FAM169A: variants seen among roughly 807,000 people sequenced by gnomAD.
FAM169A encodes family with sequence similarity 169 member A.
FAM169A carries 24 observed loss-of-function variants against 75.7 expected under a neutral mutation model. That is an observed-to-expected ratio of 0.32 (90% confidence interval 0.23 to 0.45). The LOEUF (loss-of-function observed/expected upper bound fraction) is 0.45. FAM169A is among the 20% of genes least tolerant of loss of function. FAM169A has a pLI of 1.00. For missense variants in FAM169A, 673 were observed against 784.0 expected, an observed-to-expected ratio of 0.86 and a Z score of 1.69; for synonymous variants, 271 against 271.0, an observed-to-expected ratio of 1.00 and a Z score of 0.00.
In FAM169A at chr5:74,798,995, T is replaced by C. The variant is rs1746421757; in HGVS notation, c.1103+1885A>G. ...TCTCCTTTGAAAACACTAAGAATAA[T>C]GTCACTGCATCAGTTTTTACTAGAG... On this transcript the variant is annotated intron_variant, in intron 10 of 12. Coordinates refer to ENST00000687041, the MANE Select transcript of FAM169A (RefSeq NM_001376049.1). 1.6e-5 allele frequency: 19 copies of C among 1,181,376 alleles called. No individual in the cohort carries two copies. In the South Asian group the frequency reaches 1.7e-4, roughly 11 times the overall value. The allele number at this position is 1,181,376 out of a possible 1,614,324, so 73.2% of individuals were successfully genotyped here.
rs537319337 is a variant in FAM169A, at chr5:74,809,549, T to C, written c.671-4265A>G. ...AGGCAGAGCTTGCAGTGAGCCGAGA[T>C]TGTGCCACTGCACTCCAGCCTGGGT... is the stretch of plus-strand genomic sequence containing the variant. On this transcript the variant is annotated intron_variant, in intron 6 of 12. Coordinates refer to ENST00000687041, the MANE Select transcript of FAM169A (RefSeq NM_001376049.1). 5.7e-4 allele frequency among the ~76,000 whole-genome samples: 87 copies of C among 152,286 alleles called. 1 individual carries two copies. The highest frequency in any genetic ancestry group is 3.4e-3 in the Middle Eastern group (1 of 294).
At chr5:74,808,553 G>C (rs988741481) in intron 6 of FAM169A, among the ~76,000 whole-genome samples, 1 of 152,040 alleles carries the variant, frequency 6.6e-6, no homozygotes, top group African/African-American at 2.4e-5. Context: ...TTTGGATATA[G>C]ACAGTGGTGA....
intron 8 of FAM169A, among the ~76,000 whole-genome samples, chr5:74,802,119 T>C (rs998961826): frequency 2.6e-5 from 4 of 152,222 alleles, no homozygotes; most frequent in East Asian, 1.9e-4. Context: ...TCAGTCATTC[T>C]AGCCAGAAAA....
At chr5:74,783,200 G>T in intron 11 of FAM169A, 66 bp from the exon 12 acceptor site, 1 of 1,187,378 alleles carries the variant, frequency 8.4e-7, no homozygotes, top group South Asian at 1.4e-5. Context: ...TGTCATGCAT[G>T]ACGGGTCCCT....
At chr5:74,815,180 A>G (rs548735168) in intron 5 of FAM169A, among the ~76,000 whole-genome samples, 1 of 142,164 alleles carries the variant, frequency 7.0e-6, no homozygotes, top group Non-Finnish European at 1.5e-5. Flanking sequence ...AGATATTTTT[A>G]TTTTTTTTCT....
At chr5:74,803,145 T>C (rs755393800) in intron 8 of FAM169A, among the ~76,000 whole-genome samples, 8 of 152,192 alleles carry the variant, frequency 5.3e-5, no homozygotes, top group Non-Finnish European at 8.8e-5. Context: ...CTGTATGATA[T>C]AGTACCACTG....
chr5:74,795,720 T>C (rs980234157), intron 11 of FAM169A, among the ~76,000 whole-genome samples: 1 of 152,212 alleles, frequency 6.6e-6, no homozygotes, highest in Non-Finnish European at 1.5e-5. Flanking sequence ...TTTGTGTATG[T>C]AAGTGTGTTT....
At chr5:74,840,376 A>G (rs978990339) in intron 2 of FAM169A, among the ~76,000 whole-genome samples, 2 of 152,148 alleles carry the variant, frequency 1.3e-5, no homozygotes, top group African/African-American at 4.8e-5. Context: ...GGAAAATATG[A>G]AAAGTTGTTT....
rs769825795 is a variant in FAM169A, at chr5:74,782,975, C to G, written c.1420G>C (p.Val474Leu). ...SEDSTNLVPL[V>L]VESSKPPEVD... ...TCAGGGGGTTTTGAAGATTCTACCACCAGTGGAACAAGATTTGTAGAGTCT... is the reference window on the plus strand; with the variant it reads ...TCAGGGGGTTTTGAAGATTCTACCAGCAGTGGAACAAGATTTGTAGAGTCT... Residue 474 changes from valine (V) to leucine (L), a missense_variant, in exon 12 of 13, where the codon GTG (valine) becomes CTG (leucine). Around this residue, in one of 3 missense-constraint regions of FAM169A, gnomAD observed 510 missense variants for 550.9 expected, o/e 0.93. Transcript: ENST00000687041. 1 of 1,613,868 alleles carries G rather than the reference C, an allele frequency of 6.2e-7. No individual in the cohort carries two copies. The highest frequency in any genetic ancestry group is 1.1e-5 in the South Asian group (1 of 91,062).
Position 74,788,322 on chromosome 5 carries a change from C to T in FAM169A, c.1261-5188G>A, listed in dbSNP as rs185892352. Among the ~76,000 whole-genome samples the T allele has an allele frequency of 2.4e-3, 365 of 152,252 alleles. 5 individuals are homozygous for T. The highest frequency in any genetic ancestry group is 3.1e-3 in the Admixed American group (47 of 15,294). ...TAGACATACTTAACAGCTGGCAGAG[C>T]CCCCACAATGGCTCCCTGACTGGTG... On this transcript the variant is annotated intron_variant, in intron 11 of 12. Coordinates refer to ENST00000687041, the MANE Select transcript of FAM169A (RefSeq NM_001376049.1).
chr5:74,843,582 T>C (rs1416974970), intron 1 of FAM169A, among the ~76,000 whole-genome samples: 1 of 152,188 alleles, frequency 6.6e-6, no homozygotes, highest in Non-Finnish European at 1.5e-5. Flanking sequence ...ACTTTTTTAA[T>C]AGGTGGTATT....
At chr5:74,849,651 C>A (rs2112706711) in intron 1 of FAM169A, among the ~76,000 whole-genome samples, 1 of 151,930 alleles carries the variant, frequency 6.6e-6, no homozygotes, top group African/African-American at 2.4e-5. Context: ...CTCTCTTGAT[C>A]CCTCCCTTTT....
At chr5:74,783,162 T>G in intron 11 of FAM169A, 28 bp from the exon 12 acceptor site, 1 of 1,531,322 alleles carries the variant, frequency 6.5e-7, no homozygotes, top group Non-Finnish European at 9.0e-7. Flanking sequence ...AGGGAAAAAG[T>G]AAGGACATGA....
intron 8 of FAM169A, among the ~76,000 whole-genome samples, chr5:74,803,183 C>T (rs962570222): frequency 5.3e-5 from 8 of 152,038 alleles, no homozygotes; most frequent in African/African-American, 1.9e-4. Context: ...AATGACACAT[C>T]TAAAATTATT....
Position 74,780,509 on chromosome 5 carries a change from T to A in FAM169A, c.*951A>T, listed in dbSNP as rs1745360626. The stretch of plus-strand genomic sequence containing the variant: ...AGGGAGGTGGCAAGATTTAAGGAGA[T>A]GCCTTAGGAAGGAGCCTCATACTTC... On this transcript the variant is annotated 3_prime_UTR_variant, in exon 13 of 13. Coordinates refer to ENST00000687041, the MANE Select transcript of FAM169A (RefSeq NM_001376049.1). 6.6e-6 allele frequency: 1 copy of A among 152,198 alleles called. No individual in the cohort carries two copies. Among genetic ancestry groups the A allele is most frequent in the South Asian group, 2.1e-4 (1 of 4,832 alleles). 9.4% of individuals were successfully genotyped at this position (152,198 alleles called of 1,614,324 possible).
chr5:74,794,424 CAT>C, intron 11 of FAM169A, among the ~76,000 whole-genome samples: 1 of 147,576 alleles, frequency 6.8e-6, no homozygotes, highest in East Asian at 2.0e-4. Context: ...CGAAAATAAA[CAT>C]AAAAATATCA....
intron 5 of FAM169A, among the ~76,000 whole-genome samples, chr5:74,825,599 G>A (rs1270070910): frequency 1.3e-5 from 2 of 151,966 alleles, no homozygotes; most frequent in Admixed American, 6.6e-5. Flanking sequence ...CCAGAAAAGG[G>A]GTATATAAAA....
chr5:74,815,836 T>C (rs750825983), intron 5 of FAM169A, among the ~76,000 whole-genome samples: 5 of 152,148 alleles, frequency 3.3e-5, no homozygotes, highest in Non-Finnish European at 7.3e-5. Context: ...ACCGTGACAG[T>C]TTCCAAATGC....
At chr5:74,782,885 C>A in intron 12 of FAM169A, 46 bp downstream of exon 12, 1 of 1,465,998 alleles carries the variant, frequency 6.8e-7, no homozygotes. Flanking sequence ...GCTAATGTCA[C>A]CAACATTGGT....
Sources: allele counts gnomAD v4.1 joint callset (sites outside exome capture counted in the v4.1 genomes callset), GRCh38; gene constraint gnomAD v4.1.1; regional missense constraint gnomAD v4.1.1; transcripts MANE v1.5; gene names NCBI Gene and HGNC (gene_info 2026-07-23, HGNC 2026-07-21).